The following SMYD3 variants were observed in gnomAD, a reference collection of about 807,000 sequenced individuals.
The protein encoded by SMYD3 is histone-lysine N-methyltransferase SMYD3.
Under a neutral mutation model 57.7 loss-of-function variants are expected in SMYD3, and 36 were observed. The observed-to-expected ratio is 0.62, with a 90% CI of 0.48 to 0.82. The LOEUF is 0.82. Among genes scored for constraint, SMYD3 ranks in the 40% least tolerant of loss-of-function variants. The probability of loss-of-function intolerance (pLI) is 0.00; values close to 1 mark genes in which losing one functional copy is unlikely to be tolerated. For synonymous variants in SMYD3, 211 were observed against 195.0 expected (o/e 1.08, Z -0.68); for missense variants, 515 against 538.8 (o/e 0.96, Z 0.44).
chr1:245,963,081 T>C (rs1245231343), intron 5 of SMYD3, among the ~76,000 whole-genome samples: 1 of 152,146 alleles, frequency 6.6e-6, no homozygotes, highest in Non-Finnish European at 1.5e-5. Context: ...TGATCTGGTA[T>C]GTAAGAAGCT....
At chr1:246,326,242 G>C in intron 5 of SMYD3, 1 of 460,726 alleles carries the variant, frequency 2.2e-6, no homozygotes, top group South Asian at 5.3e-5. Context: ...CAAAAGTAAA[G>C]TTTTACTTGT....
In SMYD3 at chr1:246,061,420, G is replaced by C. The variant is rs562518358; in HGVS notation, c.532-131483C>G. On this transcript the variant is annotated intron_variant, in intron 5 of 11. Transcript: ENST00000490107. ...AATCCACATCAAGTCCAATAAAATG[G>C]TAAAAGAAAAAAAGAAAAAGCCAGG... 4.6e-5 allele frequency among the ~76,000 whole-genome samples: 7 copies of C among 151,446 alleles called. No individual in the cohort carries two copies. In the East Asian group the frequency reaches 1.4e-3, roughly 30 times the overall value.
At chr1:246,351,721 T>C (rs1429878226) in intron 2 of SMYD3, among the ~76,000 whole-genome samples, 1 of 152,214 alleles carries the variant, frequency 6.6e-6, no homozygotes, top group African/African-American at 2.4e-5. Context: ...ATGGATTATC[T>C]CTGAAAAACA....
intron 8 of SMYD3, among the ~76,000 whole-genome samples, chr1:245,865,367 G>A (rs1262318766): frequency 6.6e-6 from 1 of 152,160 alleles, no homozygotes; most frequent in Non-Finnish European, 1.5e-5. Context: ...TAGGTCTGAT[G>A]TTTATTATGT....
chr1:246,207,617 G>A (rs533892702), intron 5 of SMYD3, among the ~76,000 whole-genome samples: 38 of 152,098 alleles, frequency 2.5e-4, no homozygotes, highest in Middle Eastern at 6.8e-3. Flanking sequence ...AAGACAAAAG[G>A]ACATACAAAG....
intron 5 of SMYD3, among the ~76,000 whole-genome samples, chr1:246,060,918 T>G (rs1456207145): frequency 6.6e-6 from 1 of 152,230 alleles, no homozygotes; most frequent in Non-Finnish European, 1.5e-5. Flanking sequence ...TATTCACATA[T>G]TCATTCTCAT....
chr1:246,415,565 A>T (rs2102991262), intron 1 of SMYD3, among the ~76,000 whole-genome samples: 1 of 152,308 alleles, frequency 6.6e-6, no homozygotes, highest in South Asian at 2.1e-4. Context: ...AGCACTAAAA[A>T]TTACATAAAT....
intron 5 of SMYD3, among the ~76,000 whole-genome samples, chr1:246,121,924 G>C (rs149519657): frequency 1.4e-4 from 21 of 152,090 alleles, no homozygotes; most frequent in Middle Eastern, 3.4e-3. Context: ...TCCATGTTCA[G>C]AATGAAACTT....
At chr1:245,986,259 G>C (rs1314995474) in intron 5 of SMYD3, among the ~76,000 whole-genome samples, 2 of 152,196 alleles carry the variant, frequency 1.3e-5, no homozygotes, top group Admixed American at 6.5e-5. Context: ...GAACCTGTTG[G>C]AAGATTTTCT....
intron 5 of SMYD3, among the ~76,000 whole-genome samples, chr1:246,228,431 C>T (rs2063362842): frequency 6.6e-6 from 1 of 152,154 alleles, no homozygotes; most frequent in African/African-American, 2.4e-5. Context: ...CTGTGTGGTA[C>T]TCCTACCCGA....
chr1:246,411,975 TAA>T (rs59193144), intron 1 of SMYD3, among the ~76,000 whole-genome samples: 9,326 of 60,320 alleles, frequency 0.15, 574 homozygotes, highest in East Asian at 0.49. Context: ...TAAAGTATAA[TAA>T]AAAAAAAAAA....
At chr1:246,278,059 T>C (rs1170867621) in intron 5 of SMYD3, among the ~76,000 whole-genome samples, 1 of 152,178 alleles carries the variant, frequency 6.6e-6, no homozygotes, top group Non-Finnish European at 1.5e-5. Context: ...GGAGTACAAC[T>C]GCAAACAGCC....
intron 5 of SMYD3, among the ~76,000 whole-genome samples, chr1:246,250,465 C>T (rs919044974): frequency 8.5e-5 from 13 of 152,152 alleles, no homozygotes; most frequent in Non-Finnish European, 2.9e-5. Context: ...AGTCCAAACA[C>T]GTAAGTTTAC....
At position 246,203,104 on chromosome 1, in the gene SMYD3, C is replaced by T. The variant is rs1315720978; in HGVS notation, c.531+124097G>A. ...CGCACCACTGCACTCCAGAGCAAGA[C>T]TCCGTCTCAAAAAATAAAAGAAAAG... On this transcript the variant is annotated intron_variant, in intron 5 of 11. Transcript: ENST00000490107. This position sits in a 1 kb window ranked among gnomAD's most constrained non-coding sequence, Gnocchi z 4.6. Among the ~76,000 whole-genome samples, 1 of 152,026 alleles carries T rather than the reference C, an allele frequency of 6.6e-6. No homozygotes were observed. The highest frequency in any genetic ancestry group is 6.6e-5 in the Admixed American group (1 of 15,256).
intron 5 of SMYD3, among the ~76,000 whole-genome samples, chr1:246,034,917 A>C (rs1558169179): frequency 6.6e-6 from 1 of 152,290 alleles, no homozygotes; most frequent in Non-Finnish European, 1.5e-5. Flanking sequence ...CTACTTTATA[A>C]GTATACTTTA....
intron 8 of SMYD3, among the ~76,000 whole-genome samples, chr1:245,896,891 CA>C (rs2053846969): frequency 6.6e-6 from 1 of 152,038 alleles, no homozygotes; most frequent in Non-Finnish European, 1.5e-5. Flanking sequence ...GGGAAGAGCA[CA>C]GAAGGAGTGA....
chr1:246,357,249 C>T (rs1469637769), intron 1 of SMYD3, among the ~76,000 whole-genome samples: 1 of 152,166 alleles, frequency 6.6e-6, no homozygotes, highest in East Asian at 1.9e-4. Flanking sequence ...CATAAGTACC[C>T]TGCTGATAAA....
At chr1:246,356,299 C>A (rs1342922514) in intron 1 of SMYD3, among the ~76,000 whole-genome samples, 2 of 151,554 alleles carry the variant, frequency 1.3e-5, no homozygotes, top group Non-Finnish European at 2.9e-5. Flanking sequence ...GAACAGCAGC[C>A]CTTGAGTCCC....
intron 5 of SMYD3, among the ~76,000 whole-genome samples, chr1:246,026,832 G>A (rs565158585): frequency 1.3e-5 from 2 of 152,282 alleles, no homozygotes; most frequent in African/African-American, 4.8e-5. Context: ...CACATCTCTC[G>A]CTGTGATTCA....
Sources: gnomAD v4.1 joint callset for allele counts (sites outside exome capture counted in the v4.1 genomes callset) on GRCh38, gnomAD v4.1.1 for gene constraint, Gnocchi (gnomAD v3.1) non-coding constraint, MANE v1.5 for transcripts, NCBI Gene and HGNC (gene_info 2026-07-23, HGNC 2026-07-21) for gene names.